The following NLRP14 variants were observed in gnomAD, a reference collection of about 807,000 sequenced individuals.
NLRP14 encodes the protein NLR family pyrin domain containing 14, also known as NACHT, LRR and PYD domains-containing protein 14.
NLRP14 carries 105 observed loss-of-function variants against 94.7 expected under a neutral mutation model. That is an observed-to-expected ratio of 1.11 (90% CI 0.95 to 1.30). NLRP14 has a LOEUF of 1.30. Among genes scored for constraint, NLRP14 ranks in the 50% most tolerant of loss-of-function variants. The pLI is 0.00. For missense variants in NLRP14, 1,362 were observed against 1,254.1 expected (o/e 1.09, Z -1.30); for synonymous variants, 508 against 459.9 (o/e 1.10, Z -1.34).
rs750364432 is a variant in NLRP14, at chr11:7,043,691, G to T, written c.1665G>T (p.Lys555Asn). The change falls in exon 4 of 12, where the codon AAG becomes AAT. Residue 555 changes from lysine (K) to asparagine (N), a missense_variant. Coordinates refer to ENST00000299481, the MANE Select transcript of NLRP14 (RefSeq NM_176822.4). Reference sequence around the variant, plus strand: ...CTTTTAACTGTAAAATGTCACTGAAGATAAAATCAAAGTTACTTCAGTGTA... The same window carrying T: ...CTTTTAACTGTAAAATGTCACTGAATATAAAATCAAAGTTACTTCAGTGTA... ...ERTFNCKMSL[K>N]IKSKLLQCME... The T allele has an allele frequency of 1.9e-6, 3 of 1,614,044 alleles. No homozygotes were observed. The highest frequency in any genetic ancestry group is 2.2e-5 in the South Asian group (2 of 91,084).
chr11:7,037,806 C>T lies in NLRP14; in HGVS notation c.-21-760C>T, dbSNP rs967778628. Among the ~76,000 whole-genome samples, 7 of 152,192 alleles carry T rather than the reference C, an allele frequency of 4.6e-5. No individual in the cohort carries two copies. The South Asian group carries it at 1.2e-3, about 27-fold the overall frequency. Reference sequence around the variant, plus strand: ...AAAGTTTGAGTAGTCATTGACAAAGCCTGGGGTGAGAGCATTAGAGTAAAC... The same window carrying T: ...AAAGTTTGAGTAGTCATTGACAAAGTCTGGGGTGAGAGCATTAGAGTAAAC... On this transcript the variant is annotated intron_variant, in intron 1 of 11. Transcript: ENST00000299481.
chr11:7,037,420 C>T (rs1852176778), intron 1 of NLRP14, among the ~76,000 whole-genome samples: 1 of 151,560 alleles, frequency 6.6e-6, no homozygotes, highest in African/African-American at 2.4e-5. Context: ...CTTTTTTTTC[C>T]AATCATATTA....
At chr11:7,061,137 C>G (rs1852614089) in intron 9 of NLRP14, among the ~76,000 whole-genome samples, 1 of 152,002 alleles carries the variant, frequency 6.6e-6, no homozygotes, top group Non-Finnish European at 1.5e-5. Context: ...ACCAGACTGA[C>G]TCATGATAAC....
downstream of NLRP14, among the ~76,000 whole-genome samples, chr11:7,071,930 A>G (rs151088683): frequency 1.8e-4 from 28 of 152,344 alleles, no homozygotes; most frequent in African/African-American, 6.5e-4. Context: ...TACTTTCTAT[A>G]GCTTATTGTA....
At chr11:7,082,660 C>G in the NLRP14 span, among the ~76,000 whole-genome samples, 1 of 152,096 alleles carries the variant, frequency 6.6e-6, no homozygotes, top group Non-Finnish European at 1.5e-5. Flanking sequence ...TTGCATTATC[C>G]TCATCTACTA....
chr11:7,076,650 T>C, the NLRP14 span, among the ~76,000 whole-genome samples: 1 of 151,972 alleles, frequency 6.6e-6, no homozygotes, highest in South Asian at 2.1e-4. Context: ...TATATCATCA[T>C]CTCCCCCTCC....
At chr11:7,057,124 G>A (rs1311802499) in intron 6 of NLRP14, among the ~76,000 whole-genome samples, 1 of 151,990 alleles carries the variant, frequency 6.6e-6, no homozygotes, top group African/African-American at 2.4e-5. Flanking sequence ...CTCTAAATAT[G>A]AGTCTCTCTA....
chr11:7,046,559 C>G (rs1852353111), intron 4 of NLRP14, 109 bp from the exon 5 acceptor site: 1 of 1,043,236 alleles, frequency 9.6e-7, no homozygotes. Context: ...ACTGGATGCT[C>G]TTGCCTTTCC....
intron 1 of NLRP14, among the ~76,000 whole-genome samples, chr11:7,037,644 G>T (rs563862522): frequency 3.3e-5 from 5 of 152,290 alleles, no homozygotes; most frequent in African/African-American, 1.2e-4. Flanking sequence ...AGGCCCTTAA[G>T]ATGGCTGATG....
chr11:7,051,620 CTTCT>C, intron 6 of NLRP14, among the ~76,000 whole-genome samples: 1 of 152,206 alleles, frequency 6.6e-6, no homozygotes, highest in African/African-American at 2.4e-5. Context: ...CACTAATTTT[CTTCT>C]TTCTTTTTTT....
At chr11:7,066,393 T>A (rs974249179) in intron 10 of NLRP14, among the ~76,000 whole-genome samples, 5 of 152,204 alleles carry the variant, frequency 3.3e-5, no homozygotes, top group African/African-American at 1.2e-4. Context: ...TTTTTAATGA[T>A]CACCATTCTA....
At chr11:7,038,180 C>G (rs898016013) in intron 1 of NLRP14, among the ~76,000 whole-genome samples, 6 of 152,100 alleles carry the variant, frequency 3.9e-5, no homozygotes, top group African/African-American at 1.4e-4. Context: ...TAGGAGGAGC[C>G]AGTTCTGTGC....
intron 11 of NLRP14, among the ~76,000 whole-genome samples, 172 bp downstream of exon 11, chr11:7,070,628 A>G (rs1484607882): frequency 1.3e-5 from 2 of 152,182 alleles, no homozygotes; most frequent in Non-Finnish European, 2.9e-5. Flanking sequence ...ACAATATAGC[A>G]TAGTGGTTAA....
At chr11:7,051,978 C>G (rs989483522) in intron 6 of NLRP14, among the ~76,000 whole-genome samples, 5 of 152,192 alleles carry the variant, frequency 3.3e-5, no homozygotes, top group Non-Finnish European at 5.9e-5. Flanking sequence ...AGGCCTCCCT[C>G]AAGAAGAGGA....
the NLRP14 span, chr11:7,088,997 TG>T: frequency 8.5e-7 from 1 of 1,180,410 alleles, no homozygotes; most frequent in Non-Finnish European, 1.2e-6. Context: ...TGCGGTTCCG[TG>T]GACTCGGCGA....
chr11:7,059,875 C>A lies in NLRP14; in HGVS notation c.2634-19C>A, dbSNP rs544630071. On this transcript the variant is annotated intron_variant, in intron 8 of 11. Transcript: ENST00000299481. The stretch of plus-strand genomic sequence containing the variant: ...GTAGAGCAATGATTCCATCTTTCTT[C>A]ACATTGTCCTTCCTGTAGGCTGAGG... 6.2e-7 allele frequency: 1 copy of A among 1,603,684 alleles called. No individual in the cohort carries two copies. Among genetic ancestry groups the A allele is most frequent in the Middle Eastern group, 1.7e-4 (1 of 6,040 alleles).
chr11:7,059,804 A>G, intron 8 of NLRP14, 90 bp from the exon 9 acceptor site: 1 of 1,129,838 alleles, frequency 8.9e-7, no homozygotes, highest in Non-Finnish European at 1.3e-6. Context: ...CAAATAGATA[A>G]GGGATCAAAT....
chr11:7,056,584 A>C (rs1186250168), intron 6 of NLRP14, among the ~76,000 whole-genome samples: 2 of 151,392 alleles, frequency 1.3e-5, no homozygotes, highest in Non-Finnish European at 2.9e-5. Context: ...ATGAACTATC[A>C]AGCATTTAAT....
In NLRP14 at chr11:7,043,438, A is replaced by G. The variant is rs1310122804; in HGVS notation, c.1412A>G (p.Glu471Gly). The G allele has an allele frequency of 6.2e-7, 1 of 1,614,214 alleles. No homozygotes were observed. The highest frequency in any genetic ancestry group is 1.7e-5 in the Admixed American group (1 of 60,028). ...MDSNIIQKDA[E>G]YENCYVFTHL... is the part of the protein sequence containing the mutation. ...AGCAATATTATTCAGAAGGACGCAG[A>G]GTATGAAAACTGCTATGTGTTCACC... The change falls in exon 4 of 12, where the codon GAG becomes GGG. Residue 471 changes from glutamate (E) to glycine (G), a missense_variant. Glu to Gly is a moderately conservative substitution (Grantham distance 98, BLOSUM62 -2). Coordinates refer to ENST00000299481, the MANE Select transcript of NLRP14 (RefSeq NM_176822.4).
Sources: allele counts gnomAD v4.1 joint callset (sites outside exome capture counted in the v4.1 genomes callset), GRCh38; gene constraint gnomAD v4.1.1; transcripts MANE v1.5; gene names NCBI Gene and HGNC (gene_info 2026-07-23, HGNC 2026-07-21).